The following TRAF2 variants were observed in gnomAD, a reference collection of about 807,000 sequenced individuals.
The protein encoded by TRAF2 is TNF receptor associated factor 2.
Under a neutral mutation model 55.6 loss-of-function variants are expected in TRAF2, and 6 were observed. That is an observed-to-expected ratio of 0.11 (90% CI 0.06 to 0.21). The LOEUF (loss-of-function observed/expected upper bound fraction) is 0.21, where lower values mean the gene tolerates loss of function less well. Among genes scored for constraint, TRAF2 ranks in the 10% least tolerant of loss-of-function variants. The probability of loss-of-function intolerance (pLI) is 1.00; values close to 1 mark genes in which losing one functional copy is unlikely to be tolerated. For synonymous variants in TRAF2, 329 were observed against 276.3 expected (o/e 1.19, Z -1.89); for missense variants, 561 against 684.5 (o/e 0.82, Z 2.01).
At chr9:136,920,716 C>A (rs921132833) in intron 8 of TRAF2, among the ~76,000 whole-genome samples, 1 of 152,180 alleles carries the variant, frequency 6.6e-6, no homozygotes, top group African/African-American at 2.4e-5. Context: ...GGGCCCAAAC[C>A]CTGGAAGGTC....
At chr9:136,904,800 C>G (rs1437848081) in intron 4 of TRAF2, among the ~76,000 whole-genome samples, 6 of 152,280 alleles carry the variant, frequency 3.9e-5, no homozygotes, top group Admixed American at 3.9e-4. Context: ...TGAGGCTCCT[C>G]TTTGATTCAG....
intron 10 of TRAF2, 63 bp from the exon 11 acceptor site, chr9:136,925,620 C>T (rs1297748308): frequency 1.3e-6 from 2 of 1,557,918 alleles, no homozygotes; most frequent in African/African-American, 1.4e-5. Context: ...TGTCCAGACC[C>T]TCGGGAGCCA....
chr9:136,908,166 G>A lies in TRAF2; in HGVS notation c.463G>A (p.Glu155Lys), dbSNP rs1850002925. The A allele has an allele frequency of 3.1e-6, 5 of 1,602,574 alleles. No individual in the cohort carries two copies. Among genetic ancestry groups the A allele is most frequent in the Non-Finnish European group, 3.4e-6 (4 of 1,179,798 alleles). Reference protein sequence around the residue: ...LGEKERHLEHECPERSLSCRH... With the variant: ...LGEKERHLEHKCPERSLSCRH... ...TGAAAAGGAGCGCCACCTGGAGCAC[G>A]AGTGCCCGGAGAGAAGCCTGAGCTG... Residue 155 changes from glutamate to lysine, a missense_variant, in exon 5 of 11, where the codon GAG (glutamate) becomes AAG (lysine). Physicochemically the swap from Glu to Lys is moderately conservative, Grantham distance 56. Transcript: ENST00000247668.
At chr9:136,912,115 G>A (rs1329249910) in intron 6 of TRAF2, among the ~76,000 whole-genome samples, 2 of 146,044 alleles carry the variant, frequency 1.4e-5, no homozygotes, top group Admixed American at 6.9e-5. Flanking sequence ...GGCTCCCAAA[G>A]TGCTGGGATT....
intron 5 of TRAF2, 83 bp from the exon 6 acceptor site, chr9:136,909,837 C>A: frequency 6.9e-7 from 1 of 1,445,742 alleles, no homozygotes; most frequent in African/African-American, 1.4e-5. Context: ...CTCGGCGCTG[C>A]CCAGCCTGAG....
At chr9:136,899,504 TG>T in intron 2 of TRAF2, 89 bp from the exon 3 acceptor site, 1 of 1,162,202 alleles carries the variant, frequency 8.6e-7, no homozygotes. Flanking sequence ...AACTGTGGTG[TG>T]GAGGTAGGTT....
intron 6 of TRAF2, among the ~76,000 whole-genome samples, chr9:136,912,047 G>T (rs1169038063): frequency 6.6e-6 from 1 of 150,888 alleles, no homozygotes; most frequent in Non-Finnish European, 1.5e-5. Flanking sequence ...TACAGATGGG[G>T]TTTCACCGTG....
At position 136,886,532 on chromosome 9, in the gene TRAF2, C is replaced by G; in HGVS notation, c.-38C>G. On this transcript the variant is annotated 5_prime_UTR_variant, in exon 1 of 11. Coordinates refer to ENST00000247668, the MANE Select transcript of TRAF2 (RefSeq NM_021138.4). Reference sequence around the variant, plus strand: ...CGGGCCCTTAGTTCCGGGCGCGCTGCGACCGTTGGGTGAGGCGAGCGCGGG... The same window carrying G: ...CGGGCCCTTAGTTCCGGGCGCGCTGGGACCGTTGGGTGAGGCGAGCGCGGG... The G allele has an allele frequency of 1.0e-6, 1 of 987,722 alleles. No homozygotes were observed. The allele number at this position is 987,722 out of a possible 1,614,324, so 61.2% of individuals were successfully genotyped here.
chr9:136,924,485 C>T (rs1482867606), intron 10 of TRAF2, among the ~76,000 whole-genome samples: 18 of 151,878 alleles, frequency 1.2e-4, no homozygotes, highest in Non-Finnish European at 1.2e-4. Context: ...TTGCTTGAGC[C>T]CAGTAGGTTG....
intron 3 of TRAF2, among the ~76,000 whole-genome samples, chr9:136,899,996 T>G (rs1166052425): frequency 6.6e-6 from 1 of 152,068 alleles, no homozygotes; most frequent in African/African-American, 2.4e-5. Context: ...TGAAACCCCA[T>G]CTCTACCAGA....
At chr9:136,895,470 G>T (rs940109406) in intron 1 of TRAF2, among the ~76,000 whole-genome samples, 1 of 152,230 alleles carries the variant, frequency 6.6e-6, no homozygotes, top group African/African-American at 2.4e-5. Context: ...AGAACAGCAA[G>T]GCCCCCATCT....
At chr9:136,908,931 G>A (rs1347208902) in intron 5 of TRAF2, among the ~76,000 whole-genome samples, 2 of 148,248 alleles carry the variant, frequency 1.3e-5, no homozygotes, top group African/African-American at 2.5e-5. Context: ...CCAGCTACTC[G>A]GGAGGCTGAG....
At chr9:136,894,951 G>A (rs1449109629) in intron 1 of TRAF2, among the ~76,000 whole-genome samples, 74 of 152,194 alleles carry the variant, frequency 4.9e-4, no homozygotes, top group Non-Finnish European at 5.9e-5. Context: ...AATAGACAGC[G>A]TACTCCAGCT....
At chr9:136,886,253 T>A (rs913140667), upstream of TRAF2, 1 of 300,668 alleles carries the variant, frequency 3.3e-6, no homozygotes, top group South Asian at 1.3e-4. Flanking sequence ...GGCGCGCTCT[T>A]TGAGGAAAAA....
intron 1 of TRAF2, among the ~76,000 whole-genome samples, chr9:136,890,028 CGT>C (rs74546824): frequency 5.0e-5 from 6 of 119,118 alleles, no homozygotes; most frequent in African/African-American, 2.0e-4. Context: ...CCGGTCACCG[CGT>C]GTGTGAGTCC....
chr9:136,921,073 C>T lies in TRAF2; in HGVS notation c.996C>T (p.Asp332=), dbSNP rs764889707. The T allele has an allele frequency of 3.1e-6, 5 of 1,613,924 alleles. No homozygotes were observed. In the African/African-American group the frequency reaches 6.7e-5, roughly 22 times the overall value. The change falls in exon 9 of 11, where the codon GAC becomes GAT. Residue 332 remains aspartate, a synonymous_variant. Coordinates refer to ENST00000247668, the MANE Select transcript of TRAF2 (RefSeq NM_021138.4). ...QQLERSIGLK[D]LAMADLEQKV... Reference sequence around the variant, plus strand: ...TGGAGAGGAGCATTGGCCTCAAGGACCTGGCGATGGCTGACTTGGAGCAGA... The same window carrying T: ...TGGAGAGGAGCATTGGCCTCAAGGATCTGGCGATGGCTGACTTGGAGCAGA...
chr9:136,920,371 C>G lies in TRAF2; in HGVS notation c.816C>G (p.Cys272Trp), dbSNP rs145264551. The G allele has an allele frequency of 6.2e-7, 1 of 1,614,066 alleles. No individual in the cohort carries two copies. Among genetic ancestry groups the G allele is most frequent in the South Asian group, 1.1e-5 (1 of 91,082 alleles). The part of the protein sequence containing the change: ...SHAGSELLQR[C>W]ESLEKKTATF... The stretch of plus-strand genomic sequence containing the variant: ...CGGGGTCAGAGCTCCTGCAGAGGTG[C>G]GAGAGCCTGGAGAAGAAGACGGCCA... The change falls in exon 8 of 11, where the codon TGC becomes TGG. Residue 272 changes from cysteine to tryptophan, a missense_variant. Physicochemically the swap from Cys to Trp is radical, Grantham distance 215. Transcript: ENST00000247668.
At chr9:136,919,937 C>G (rs113427144) in intron 7 of TRAF2, among the ~76,000 whole-genome samples, 1 of 152,152 alleles carries the variant, frequency 6.6e-6, no homozygotes, top group African/African-American at 2.4e-5. Flanking sequence ...CAGCTAGTCT[C>G]CAACTCCTGG....
At chr9:136,901,985 A>G (rs1242613166) in intron 4 of TRAF2, 1 of 152,328 alleles carries the variant, frequency 6.6e-6, no homozygotes, top group East Asian at 1.9e-4. Flanking sequence ...GAACTGCCCC[A>G]GCTGTGTCTG....
Sources: allele counts gnomAD v4.1 joint callset (sites outside exome capture counted in the v4.1 genomes callset), GRCh38; gene constraint gnomAD v4.1.1; transcripts MANE v1.5; gene names NCBI Gene and HGNC (gene_info 2026-07-23, HGNC 2026-07-21).